CNTN4: variants seen among roughly 807,000 people sequenced by gnomAD.
CNTN4 encodes the protein contactin-4.
A neutral mutation model predicts 122.5 loss-of-function variants in CNTN4; 77 were observed. The observed-to-expected ratio is 0.63, with a 90% CI of 0.52 to 0.76. The LOEUF (loss-of-function observed/expected upper bound fraction) is 0.76, where lower values mean the gene tolerates loss of function less well. CNTN4 is among the 30% of genes least tolerant of loss of function. The pLI, the probability that CNTN4 is intolerant of heterozygous loss-of-function variation, is 0.00. For missense variants in CNTN4, 1,256 were observed against 1,259.1 expected (o/e 1.00, Z 0.04); for synonymous variants, 512 against 447.0 (o/e 1.15, Z -1.83).
chr3:2,519,320 C>T (rs1182757118), intron 3 of CNTN4, among the ~76,000 whole-genome samples: 1 of 152,114 alleles, frequency 6.6e-6, no homozygotes, highest in Non-Finnish European at 1.5e-5. Context: ...CCCTAGCCAA[C>T]AAGGAAAATG....
At chr3:2,854,259 T>TTTC (rs1337395845) in intron 7 of CNTN4, among the ~76,000 whole-genome samples, 9 of 126,100 alleles carry the variant, frequency 7.1e-5, no homozygotes, top group Admixed American at 1.8e-4. Context: ...TTTATTTTTC[T>TTTC]TTCTTCTTCT....
chr3:2,808,839 A>T (rs892939482), intron 6 of CNTN4, among the ~76,000 whole-genome samples: 1 of 152,238 alleles, frequency 6.6e-6, no homozygotes, highest in Non-Finnish European at 1.5e-5. Context: ...TTATTCTCCA[A>T]AGCTTCCCTG....
chr3:2,466,952 TTC>T (rs1431322776), intron 3 of CNTN4, among the ~76,000 whole-genome samples: 1 of 141,426 alleles, frequency 7.1e-6, no homozygotes, highest in African/African-American at 2.6e-5. Flanking sequence ...GTTTTTTTCT[TTC>T]TTTCTTTCTT....
intron 12 of CNTN4, among the ~76,000 whole-genome samples, chr3:2,921,748 G>A (rs2094431620): frequency 3.3e-5 from 5 of 152,086 alleles, no homozygotes. Flanking sequence ...TCCCAAATAG[G>A]ACTGCCACTG....
intron 3 of CNTN4, among the ~76,000 whole-genome samples, chr3:2,511,888 C>G (rs1226212827): frequency 6.6e-6 from 1 of 152,054 alleles, no homozygotes; most frequent in Non-Finnish European, 1.5e-5. Context: ...AAATAGGAGC[C>G]TTTCAGAATG....
At chr3:2,170,122 C>G (rs1317946448) in intron 2 of CNTN4, among the ~76,000 whole-genome samples, 1 of 151,794 alleles carries the variant, frequency 6.6e-6, no homozygotes, top group Non-Finnish European at 1.5e-5. Flanking sequence ...GAGATCGAGA[C>G]CATCCTGGCT....
intron 3 of CNTN4, among the ~76,000 whole-genome samples, chr3:2,495,118 T>G (rs1476653469): frequency 6.6e-6 from 1 of 152,224 alleles, no homozygotes; most frequent in Non-Finnish European, 1.5e-5. Flanking sequence ...AGTAGAAGAT[T>G]ATTTGAAATG....
chr3:2,941,178 C>A (rs2094611378), intron 13 of CNTN4, among the ~76,000 whole-genome samples: 1 of 152,154 alleles, frequency 6.6e-6, no homozygotes, highest in Non-Finnish European at 1.5e-5. Flanking sequence ...CATTCCTGCT[C>A]TTTCTCTACA....
At chr3:2,856,330 G>A (rs979887284) in intron 7 of CNTN4, among the ~76,000 whole-genome samples, 1 of 152,204 alleles carries the variant, frequency 6.6e-6, no homozygotes, top group African/African-American at 2.4e-5. Context: ...CACTTATTTT[G>A]TTGTTGAGGA....
At chr3:2,619,772 C>T (rs527379779) in intron 4 of CNTN4, among the ~76,000 whole-genome samples, 33 of 152,304 alleles carry the variant, frequency 2.2e-4, no homozygotes, top group African/African-American at 7.9e-4. Flanking sequence ...CTGATCAGAT[C>T]TGCTAATAAC....
intron 2 of CNTN4, among the ~76,000 whole-genome samples, chr3:2,198,501 A>G (rs1575064115): frequency 6.6e-6 from 1 of 152,200 alleles, no homozygotes; most frequent in African/African-American, 2.4e-5. Context: ...ATACAGAGAT[A>G]TGTTATATCA....
At chr3:2,341,959 A>G (rs1340992890) in intron 3 of CNTN4, among the ~76,000 whole-genome samples, 2 of 152,110 alleles carry the variant, frequency 1.3e-5, no homozygotes, top group Admixed American at 1.3e-4. Context: ...GCCCCAGTAG[A>G]CACTTGAGTT....
intron 14 of CNTN4, among the ~76,000 whole-genome samples, chr3:2,997,374 G>C (rs750662383): frequency 3.9e-5 from 6 of 152,202 alleles, no homozygotes; most frequent in East Asian, 1.9e-4. Flanking sequence ...GGTCCCATGG[G>C]GGGAGCCAAC....
chr3:2,991,215 A>G (rs77382070), intron 14 of CNTN4, among the ~76,000 whole-genome samples: 14,166 of 152,154 alleles, frequency 0.093, 816 homozygotes, highest in Non-Finnish European at 0.13. Context: ...AAATTTCCTA[A>G]TAGGTGAGAG....
intron 3 of CNTN4, among the ~76,000 whole-genome samples, chr3:2,540,065 A>C (rs912883698): frequency 8.2e-5 from 11 of 134,472 alleles, no homozygotes; most frequent in African/African-American, 3.1e-4. Context: ...CTGCTTCATC[A>C]GTGTTGTGTG....
chr3:2,597,765 G>A (rs776904257), intron 4 of CNTN4, among the ~76,000 whole-genome samples: 1 of 152,130 alleles, frequency 6.6e-6, no homozygotes. Flanking sequence ...CAAGCCTGAG[G>A]TGTTGGATAA....
chr3:2,346,624 T>C (rs974247624), intron 3 of CNTN4, among the ~76,000 whole-genome samples: 2 of 152,192 alleles, frequency 1.3e-5, no homozygotes, highest in Admixed American at 1.3e-4. Context: ...TTAATGGTAT[T>C]TTCCCCTCAA....
chr3:2,114,353 G>A (rs781292060), intron 2 of CNTN4, among the ~76,000 whole-genome samples: 2 of 152,004 alleles, frequency 1.3e-5, no homozygotes, highest in African/African-American at 2.4e-5. Flanking sequence ...CTAGCTACTC[G>A]GGAGGCTGAG....
intron 5 of CNTN4, among the ~76,000 whole-genome samples, chr3:2,736,940 T>C (rs1451456441): frequency 6.6e-6 from 1 of 152,104 alleles, no homozygotes; most frequent in Non-Finnish European, 1.5e-5. Flanking sequence ...TGTGCCACCA[T>C]GCCCAGCTAA....
Sources: gnomAD v4.1 joint callset for allele counts (sites outside exome capture counted in the v4.1 genomes callset) on GRCh38, gnomAD v4.1.1 for gene constraint, MANE v1.5 for transcripts, NCBI Gene and HGNC (gene_info 2026-07-23, HGNC 2026-07-21) for gene names.